VGLL4: variants seen among roughly 807,000 people sequenced by gnomAD.
VGLL4 encodes the protein vestigial like family member 4.
A neutral mutation model predicts 21.0 loss-of-function variants in VGLL4; 7 were observed. That is an observed-to-expected ratio of 0.33 (90% CI 0.19 to 0.63). The LOEUF (loss-of-function observed/expected upper bound fraction) is 0.63. Ranked by LOEUF, VGLL4 falls within the 20% of genes least tolerant of loss-of-function variation. The pLI, the probability that VGLL4 is intolerant of heterozygous loss-of-function variation, is 0.78. For synonymous variants in VGLL4, 222 were observed against 173.2 expected (o/e 1.28, Z -2.21); for missense variants, 394 against 425.7 (o/e 0.93, Z 0.66).
At chr3:11,659,625 C>A (rs1402556981) in intron 2 of VGLL4, among the ~76,000 whole-genome samples, 1 of 146,886 alleles carries the variant, frequency 6.8e-6, no homozygotes, top group African/African-American at 2.5e-5. Flanking sequence ...TGAGCCACCA[C>A]GCCCAGCTTC....
chr3:11,642,762 CTCTT>C (rs1226775446), intron 1 of VGLL4, among the ~76,000 whole-genome samples: 2 of 152,228 alleles, frequency 1.3e-5, no homozygotes, highest in Non-Finnish European at 2.9e-5. Flanking sequence ...GCGCGGCTCT[CTCTT>C]TTTCAGGGCA....
At chr3:11,634,315 T>C (rs6782029) in intron 1 of VGLL4, among the ~76,000 whole-genome samples, 38,477 of 151,896 alleles carry the variant, frequency 0.25, 5,242 homozygotes, top group South Asian at 0.48. Context: ...CCTTAGTGTC[T>C]CCTACGTCCT....
At chr3:11,575,103 G>A (rs1473162265) in intron 2 of VGLL4, among the ~76,000 whole-genome samples, 1 of 152,194 alleles carries the variant, frequency 6.6e-6, no homozygotes, top group Non-Finnish European at 1.5e-5. Context: ...AGTGGATTGA[G>A]AGGTGGAGGG....
intron 1 of VGLL4, chr3:11,611,895 G>T (rs911276001): frequency 4.6e-5 from 7 of 151,928 alleles, no homozygotes; most frequent in African/African-American, 1.7e-4. Flanking sequence ...CACAAACCAG[G>T]CTGGGGCCTC....
intron 1 of VGLL4, among the ~76,000 whole-genome samples, chr3:11,624,845 G>A (rs2075324538): frequency 6.6e-6 from 1 of 152,118 alleles, no homozygotes; most frequent in African/African-American, 2.4e-5. Context: ...TTGATCCGAA[G>A]GAACACTGCT....
chr3:11,690,093 A>T (rs2076505803), intron 2 of VGLL4, among the ~76,000 whole-genome samples: 1 of 151,290 alleles, frequency 6.6e-6, no homozygotes, highest in Admixed American at 6.6e-5. Context: ...TCGATTTCCT[A>T]AATATTACTC....
At chr3:11,678,885 A>G (rs1036399313) in intron 2 of VGLL4, among the ~76,000 whole-genome samples, 1 of 152,198 alleles carries the variant, frequency 6.6e-6, no homozygotes, top group African/African-American at 2.4e-5. Flanking sequence ...GTGGTTCCAT[A>G]AGGCTATAAA....
intron 3 of VGLL4, 123 bp from the exon 4 acceptor site, chr3:11,559,578 C>T: frequency 7.3e-7 from 1 of 1,360,890 alleles, no homozygotes; most frequent in Non-Finnish European, 9.7e-7. Context: ...TCTGCCACCT[C>T]CCACTTCAAT....
intron 2 of VGLL4, among the ~76,000 whole-genome samples, chr3:11,573,194 A>C (rs1020268302): frequency 2.0e-5 from 3 of 151,146 alleles, no homozygotes; most frequent in East Asian, 1.9e-4. Flanking sequence ...GACAGACAGA[A>C]AGAAAGAAAA....
At chr3:11,626,540 A>G in intron 1 of VGLL4, 1 of 414,026 alleles carries the variant, frequency 2.4e-6, no homozygotes, top group Admixed American at 2.7e-5. Context: ...ATTTGAAGGT[A>G]CCATGACTAT....
intron 2 of VGLL4, among the ~76,000 whole-genome samples, chr3:11,660,329 TCTC>T (rs1375524131): frequency 6.6e-6 from 1 of 152,138 alleles, no homozygotes; most frequent in African/African-American, 2.4e-5. Flanking sequence ...GCCTGACCAT[TCTC>T]CTTTGATCAT....
At chr3:11,585,973 G>A (rs972331947) in intron 2 of VGLL4, among the ~76,000 whole-genome samples, 14 of 152,252 alleles carry the variant, frequency 9.2e-5, no homozygotes, top group African/African-American at 3.4e-4. Context: ...TGACACTCCA[G>A]AGCAGTCTCT....
chr3:11,562,197 C>T (rs1214325355), intron 3 of VGLL4, among the ~76,000 whole-genome samples: 1 of 152,172 alleles, frequency 6.6e-6, no homozygotes, highest in Non-Finnish European at 1.5e-5. Context: ...GTGCCCAGCC[C>T]TCAATGTGCG....
intron 2 of VGLL4, among the ~76,000 whole-genome samples, chr3:11,590,661 AGAGTGT>A (rs1394392203): frequency 2.7e-5 from 3 of 110,124 alleles, no homozygotes; most frequent in Non-Finnish European, 3.7e-5. Context: ...TTCAAAATGA[AGAGTGT>A]GTGTGTGTGT....
chr3:11,608,716 C>T (rs1478616146), intron 1 of VGLL4, among the ~76,000 whole-genome samples: 5 of 152,194 alleles, frequency 3.3e-5, no homozygotes, highest in Non-Finnish European at 7.3e-5. Context: ...CTATTTCCTA[C>T]ATTTTAATAT....
At chr3:11,675,360 A>AT (rs1491452552) in intron 2 of VGLL4, among the ~76,000 whole-genome samples, 21 of 95,418 alleles carry the variant, frequency 2.2e-4, no homozygotes, top group Middle Eastern at 5.6e-3. Context: ...AATAAAAAAT[A>AT]AAAAAATAAA....
At chr3:11,560,312 A>C (rs1322577990) in intron 3 of VGLL4, among the ~76,000 whole-genome samples, 1 of 152,218 alleles carries the variant, frequency 6.6e-6, no homozygotes, top group Non-Finnish European at 1.5e-5. Context: ...AACTAAACAG[A>C]ACTTCCTCAG....
intron 2 of VGLL4, chr3:11,569,027 C>T: frequency 1.2e-6 from 1 of 806,372 alleles, no homozygotes; most frequent in Non-Finnish European, 1.5e-6. Context: ...GTACTGAAAG[C>T]CACACGCTCT....
chr3:11,700,671 G>A (rs2125402871), intron 2 of VGLL4, among the ~76,000 whole-genome samples: 1 of 152,330 alleles, frequency 6.6e-6, no homozygotes, highest in African/African-American at 2.4e-5. Context: ...CCAAGCCTGG[G>A]TAGGTGAAGA....
Sources: gnomAD v4.1 joint callset for allele counts (sites outside exome capture counted in the v4.1 genomes callset) on GRCh38, gnomAD v4.1.1 for gene constraint, MANE v1.5 for transcripts, NCBI Gene and HGNC (gene_info 2026-07-23, HGNC 2026-07-21) for gene names.